Variants in CMIP observed in about 807,000 individuals in gnomAD.
The protein encoded by CMIP is C-Maf-inducing protein.
CMIP carries 13 observed loss-of-function variants against 97.3 expected under a neutral mutation model. That is an observed-to-expected ratio of 0.13 (90% CI 0.09 to 0.21). CMIP has a LOEUF of 0.21. CMIP is among the 10% of genes least tolerant of loss of function. The probability of loss-of-function intolerance (pLI) is 1.00; values close to 1 mark genes in which losing one functional copy is unlikely to be tolerated. For synonymous variants in CMIP, 538 were observed against 436.3 expected, an observed-to-expected ratio of 1.23 and a Z score of -2.91; for missense variants, 847 against 1,024.9, an observed-to-expected ratio of 0.83 and a Z score of 2.37.
At chr16:81,483,031 G>A (rs1203544757) in intron 1 of CMIP, among the ~76,000 whole-genome samples, 2 of 152,242 alleles carry the variant, frequency 1.3e-5, no homozygotes, top group Non-Finnish European at 2.9e-5. Flanking sequence ...TGGAGGAGAG[G>A]AAAATGAACA....
In CMIP at chr16:81,652,138, G is replaced by A; in HGVS notation, c.478-65G>A. ...CCCTAACCCATCTGATTCTTTGATT[G>A]TCTTCCATCTTCTGCCTTCCTTACG... On this transcript the variant is annotated intron_variant, in intron 3 of 20. Transcript: ENST00000537098. The surrounding 1 kb of genome is among the most constrained non-coding windows in gnomAD (Gnocchi z 5.2). 7.5e-7 allele frequency: 1 copy of A among 1,336,646 alleles called. No homozygotes were observed. The highest frequency in any genetic ancestry group is 1.4e-5 in the African/African-American group (1 of 69,340). The allele number at this position is 1,336,646 out of a possible 1,614,324, so 82.8% of individuals were successfully genotyped here.
At chr16:81,466,392 G>A (rs1907208809) in intron 1 of CMIP, among the ~76,000 whole-genome samples, 1 of 152,186 alleles carries the variant, frequency 6.6e-6, no homozygotes, top group African/African-American at 2.4e-5. Context: ...TACTTCATTT[G>A]GCTGTTTCTT....
At position 81,627,825 on chromosome 16, in the gene CMIP, G is replaced by A. The variant is rs1304987042; in HGVS notation, c.477+6899G>A. On this transcript the variant is annotated intron_variant, in intron 3 of 20. Transcript: ENST00000537098. The surrounding 1 kb of genome is among the most constrained non-coding windows in gnomAD (Gnocchi z 4.6). The stretch of plus-strand genomic sequence containing the variant: ...AGTGGCTGCGGCGCCTCGGGAATGA[G>A]TCTGTTCCATGTTCTGTGTTGGGAG... Among the ~76,000 whole-genome samples, 1 of 152,220 alleles carries A rather than the reference G, an allele frequency of 6.6e-6. No homozygotes were observed. The highest frequency in any genetic ancestry group is 2.4e-5 in the African/African-American group (1 of 41,452).
At chr16:81,651,167 C>G (rs2092423993) in intron 3 of CMIP, 2 of 152,244 alleles carry the variant, frequency 1.3e-5, no homozygotes. Context: ...TAAAATTAGG[C>G]TCTCCCTAAG....
rs1286024947 is a variant in CMIP at position 81,480,007 on chromosome 16, A to G, written c.300+34466A>G. ...TCAGCCCTGGCCGCACAATGGGATC[A>G]CCTGGGGATCTTCGTAACCCCCAAA... On this transcript the variant is annotated intron_variant, in intron 1 of 20. Transcript: ENST00000537098. Among the ~76,000 whole-genome samples the G allele has an allele frequency of 5.3e-5, 8 of 152,296 alleles. No individual in the cohort carries two copies. In the East Asian group the frequency reaches 1.5e-3, roughly 29 times the overall value.
At chr16:81,454,957 G>A (rs1011756866) in intron 1 of CMIP, among the ~76,000 whole-genome samples, 8 of 152,190 alleles carry the variant, frequency 5.3e-5, no homozygotes, top group African/African-American at 1.2e-4. Flanking sequence ...AGGCCAGAGC[G>A]GCTGGGCACA....
intron 5 of CMIP, among the ~76,000 whole-genome samples, chr16:81,659,058 A>G (rs966593476): frequency 6.6e-6 from 1 of 152,244 alleles, no homozygotes; most frequent in African/African-American, 2.4e-5. Context: ...CGCTAACAGT[A>G]TAGAGGTTTT....
intron 1 of CMIP, among the ~76,000 whole-genome samples, chr16:81,510,155 C>T (rs1393685652): frequency 2.6e-5 from 4 of 152,174 alleles, no homozygotes; most frequent in Non-Finnish European, 5.9e-5. Context: ...GTGACGTCAG[C>T]ATCCTGCTGC....
At chr16:81,539,258 C>G (rs773436026) in intron 1 of CMIP, among the ~76,000 whole-genome samples, 1 of 152,190 alleles carries the variant, frequency 6.6e-6, no homozygotes, top group East Asian at 1.9e-4. Context: ...GGGAATGTTT[C>G]CATCAGCCCG....
At chr16:81,626,750 GGT>G (rs897586189) in intron 3 of CMIP, among the ~76,000 whole-genome samples, 3 of 130,212 alleles carry the variant, frequency 2.3e-5, no homozygotes, top group Admixed American at 7.8e-5. Flanking sequence ...AGTGGGTGTG[GGT>G]GTGTGTGTGG....
chr16:81,475,370 A>T (rs2150750992), intron 1 of CMIP, among the ~76,000 whole-genome samples: 1 of 152,324 alleles, frequency 6.6e-6, no homozygotes, highest in East Asian at 1.9e-4. Flanking sequence ...TACCTGATGT[A>T]CCGTTCTCTG....
At chr16:81,677,006 G>A (rs1395816537) in intron 9 of CMIP, among the ~76,000 whole-genome samples, 1 of 152,188 alleles carries the variant, frequency 6.6e-6, no homozygotes, top group African/African-American at 2.4e-5. Context: ...GACCACACAC[G>A]AGGAGCCTTA....
intron 1 of CMIP, among the ~76,000 whole-genome samples, chr16:81,467,408 C>T (rs564416409): frequency 2.0e-5 from 3 of 152,268 alleles, no homozygotes; most frequent in Middle Eastern, 3.4e-3. Context: ...TGAGGCTCCC[C>T]TCAGTTTCTC....
At position 81,699,743 on chromosome 16, in the gene CMIP, A is replaced by T; in HGVS notation, c.1697A>T (p.Glu566Val). 1 of 1,613,792 alleles carries T rather than the reference A, an allele frequency of 6.2e-7. No homozygotes were observed. Among genetic ancestry groups the T allele is most frequent in the East Asian group, 2.2e-5 (1 of 44,874 alleles). The stretch of plus-strand genomic sequence containing the variant: ...AAAAAATTCCTGCTCTCCCTGGCAG[A>T]AAACAAGCTGGGTCCCTGCATGCTC... ...KTKKFLLSLA[E>V]NKLGPCMLLA... Residue 566 changes from glutamate to valine, a missense_variant, in exon 15 of 21, where the codon GAA (glutamate) becomes GTA (valine). This residue lies in a region of CMIP where 266 missense variants were observed against 384.2 expected (regional missense o/e 0.69). Transcript: ENST00000537098.
intron 3 of CMIP, among the ~76,000 whole-genome samples, chr16:81,648,784 GAAAAAAAAAAAAA>G (rs6145916): frequency 4.0e-5 from 3 of 75,738 alleles, no homozygotes; most frequent in Non-Finnish European, 7.1e-5. Context: ...CTCTGTCTCA[GAAAAAAAAAAAAA>G]AAAAAAAAAA....
intron 1 of CMIP, among the ~76,000 whole-genome samples, chr16:81,546,916 A>G (rs749225206): frequency 3.3e-5 from 5 of 152,170 alleles, no homozygotes; most frequent in Non-Finnish European, 2.9e-5. Flanking sequence ...CAGCTCTTGT[A>G]CTGGAGAGTG....
At chr16:81,704,179 C>G in intron 18 of CMIP, 94 bp downstream of exon 18, 1 of 1,081,998 alleles carries the variant, frequency 9.2e-7, no homozygotes, top group Non-Finnish European at 1.3e-6. Context: ...CCTTTCCCCT[C>G]AGCCTCCTCC....
intron 1 of CMIP, among the ~76,000 whole-genome samples, chr16:81,600,796 C>T (rs953488266): frequency 6.6e-6 from 1 of 152,206 alleles, no homozygotes; most frequent in Non-Finnish European, 1.5e-5. Context: ...GGGACTGAAG[C>T]CCATTCTCCC....
At chr16:81,683,183 C>G (rs1817201876) in intron 10 of CMIP, among the ~76,000 whole-genome samples, 1 of 152,238 alleles carries the variant, frequency 6.6e-6, no homozygotes, top group Non-Finnish European at 1.5e-5. Flanking sequence ...GCAGTGACAT[C>G]AAGCGCTCAG....
Sources: gnomAD v4.1 joint callset for allele counts (sites outside exome capture counted in the v4.1 genomes callset) on GRCh38, gnomAD v4.1.1 for gene constraint, gnomAD v4.1.1 regional missense constraint, Gnocchi (gnomAD v3.1) non-coding constraint, MANE v1.5 for transcripts, NCBI Gene and HGNC (gene_info 2026-07-23, HGNC 2026-07-21) for gene names.